The following DNER variants were observed in gnomAD, a reference collection of about 807,000 sequenced individuals.
DNER encodes the protein delta/notch like EGF repeat containing.
In DNER, 33 loss-of-function variants were observed where a neutral mutation model predicts 78.2. The observed-to-expected ratio is 0.42, with a 90% CI of 0.32 to 0.56. DNER has a LOEUF of 0.56. Ranked by LOEUF, DNER falls within the 20% of genes least tolerant of loss-of-function variation. DNER has a pLI of 0.11. For missense variants in DNER, 918 were observed against 975.3 expected, an observed-to-expected ratio of 0.94 and a Z score of 0.78; for synonymous variants, 417 against 384.8, an observed-to-expected ratio of 1.08 and a Z score of -0.98.
intron 1 of DNER, among the ~76,000 whole-genome samples, chr2:229,673,180 C>T (rs945475929): frequency 1.3e-5 from 2 of 152,202 alleles, no homozygotes; most frequent in Admixed American, 6.5e-5. Context: ...AGATAAGATT[C>T]CTGTCCATAA....
At chr2:229,575,532 C>G (rs1697281517) in intron 4 of DNER, among the ~76,000 whole-genome samples, 1 of 152,174 alleles carries the variant, frequency 6.6e-6, no homozygotes, top group African/African-American at 2.4e-5. Flanking sequence ...TGAGGAGCTA[C>G]CAGGTCCATT....
chr2:229,427,583 A>G (rs1459863608), intron 8 of DNER, among the ~76,000 whole-genome samples: 1 of 152,166 alleles, frequency 6.6e-6, no homozygotes, highest in East Asian at 1.9e-4. Flanking sequence ...GAGGAGATGC[A>G]GGAGAGCTGA....
chr2:229,509,963 G>A lies in DNER; in HGVS notation c.1147+2820C>T, dbSNP rs187649157. 3.3e-5 allele frequency among the ~76,000 whole-genome samples: 5 copies of A among 152,304 alleles called. No individual in the cohort carries two copies. In the East Asian group the frequency reaches 9.7e-4, roughly 29 times the overall value. The stretch of plus-strand genomic sequence containing the variant: ...AAAATGGAGAGAGACTTATCTTGAA[G>A]CCTGCAGCCAAGACTTCCTGAGAAA... On this transcript the variant is annotated intron_variant, in intron 6 of 12. Transcript: ENST00000341772.
intron 1 of DNER, among the ~76,000 whole-genome samples, chr2:229,618,279 G>A (rs932053485): frequency 6.6e-6 from 1 of 152,174 alleles, no homozygotes; most frequent in South Asian, 2.1e-4. Context: ...TGCTGTGAAG[G>A]CCCCACAGGA....
At chr2:229,538,334 A>C (rs1381835158) in intron 5 of DNER, among the ~76,000 whole-genome samples, 1 of 152,196 alleles carries the variant, frequency 6.6e-6, no homozygotes, top group African/African-American at 2.4e-5. Flanking sequence ...TATTTAGTCA[A>C]AAGAAAGGGT....
intron 8 of DNER, among the ~76,000 whole-genome samples, chr2:229,446,376 G>A (rs899466838): frequency 4.6e-5 from 7 of 151,918 alleles, no homozygotes; most frequent in South Asian, 2.1e-4. Flanking sequence ...GGTGACTGTC[G>A]GAACCCAGAG....
chr2:229,622,104 A>C (rs1698260768), intron 1 of DNER, among the ~76,000 whole-genome samples: 1 of 152,008 alleles, frequency 6.6e-6, no homozygotes, highest in Non-Finnish European at 1.5e-5. Flanking sequence ...AAACAAACAA[A>C]CAAAAAAAAG....
intron 1 of DNER, among the ~76,000 whole-genome samples, chr2:229,675,750 T>A (rs1699291173): frequency 1.3e-5 from 2 of 152,154 alleles, no homozygotes; most frequent in South Asian, 2.1e-4. Flanking sequence ...ATAGCATCGA[T>A]CAGTCTTTGC....
chr2:229,533,738 G>C (rs990192246), intron 5 of DNER, among the ~76,000 whole-genome samples: 2 of 152,106 alleles, frequency 1.3e-5, no homozygotes, highest in Non-Finnish European at 2.9e-5. Context: ...GACAAACTGT[G>C]GTTATTCAGA....
chr2:229,464,818 T>C (rs12994299), intron 7 of DNER, among the ~76,000 whole-genome samples: 58,501 of 151,856 alleles, frequency 0.39, 13,126 homozygotes, highest in African/African-American at 0.63. Context: ...GAGAGCCATG[T>C]GAGGGCCCCT....
At chr2:229,584,209 G>T (rs1697454110) in intron 4 of DNER, among the ~76,000 whole-genome samples, 1 of 152,050 alleles carries the variant, frequency 6.6e-6, no homozygotes, top group Non-Finnish European at 1.5e-5. Flanking sequence ...AATTATCCTT[G>T]TACATTCGTT....
intron 1 of DNER, among the ~76,000 whole-genome samples, chr2:229,603,073 A>C (rs1697862779): frequency 6.6e-6 from 1 of 152,234 alleles, no homozygotes; most frequent in African/African-American, 2.4e-5. Flanking sequence ...ACACAGGGAC[A>C]CTTGACTTCT....
intron 1 of DNER, among the ~76,000 whole-genome samples, chr2:229,647,733 T>A (rs1423397499): frequency 6.6e-6 from 1 of 152,236 alleles, no homozygotes; most frequent in Non-Finnish European, 1.5e-5. Context: ...TGTCAGTCAA[T>A]GATTGAAAAG....
intron 8 of DNER, among the ~76,000 whole-genome samples, chr2:229,440,195 A>G (rs1239646406): frequency 6.6e-6 from 1 of 152,236 alleles, no homozygotes; most frequent in Non-Finnish European, 1.5e-5. Flanking sequence ...TTAATTTCTC[A>G]GGTCAGAAGC....
chr2:229,473,991 C>A (rs182619099), intron 7 of DNER, among the ~76,000 whole-genome samples: 1 of 152,070 alleles, frequency 6.6e-6, no homozygotes, highest in African/African-American at 2.4e-5. Context: ...CTGCAACTTC[C>A]GCCTCCTGGG....
intron 5 of DNER, among the ~76,000 whole-genome samples, chr2:229,519,612 G>A (rs1696054352): frequency 6.6e-6 from 1 of 151,986 alleles, no homozygotes; most frequent in East Asian, 1.9e-4. Flanking sequence ...AGAAGGTCAA[G>A]GCTTGAACTC....
chr2:229,376,165 A>G (rs993671629), intron 11 of DNER, among the ~76,000 whole-genome samples: 1 of 152,202 alleles, frequency 6.6e-6, no homozygotes, highest in East Asian at 1.9e-4. Flanking sequence ...GCAGTTCTTT[A>G]TAACAGTATG....
At chr2:229,385,028 C>T (rs1425089722) in intron 11 of DNER, among the ~76,000 whole-genome samples, 5 of 151,052 alleles carry the variant, frequency 3.3e-5, no homozygotes, top group South Asian at 2.1e-4. Flanking sequence ...ACTGGCACAC[C>T]GAATCCAGTA....
intron 3 of DNER, 99 bp downstream of exon 3, chr2:229,588,295 C>T (rs1697536708): frequency 2.8e-6 from 3 of 1,080,948 alleles, no homozygotes; most frequent in South Asian, 2.8e-5. Flanking sequence ...ACGATTCTCA[C>T]TTGACAGGCC....
Sources: allele counts gnomAD v4.1 joint callset (sites outside exome capture counted in the v4.1 genomes callset), GRCh38; gene constraint gnomAD v4.1.1; transcripts MANE v1.5; gene names NCBI Gene and HGNC (gene_info 2026-07-23, HGNC 2026-07-21).